Variants in MALRD1 observed in about 807,000 individuals in gnomAD.
MALRD1 encodes the protein MAM and LDL receptor class A domain containing 1.
MALRD1 carries 247 observed loss-of-function variants against 242.1 expected under a neutral mutation model. The ratio of observed to expected loss-of-function variants is 1.02; its 90% CI spans 0.92 to 1.13. The LOEUF (loss-of-function observed/expected upper bound fraction) is 1.13, where lower values mean the gene tolerates loss of function less well. Ranked by LOEUF, MALRD1 falls within the 50% of genes most tolerant of loss-of-function variation. The probability of loss-of-function intolerance (pLI) is 0.00; values close to 1 mark genes in which losing one functional copy is unlikely to be tolerated. For synonymous variants in MALRD1, 995 were observed against 866.6 expected, an observed-to-expected ratio of 1.15 and a Z score of -2.60; for missense variants, 2,989 against 2,533.1, an observed-to-expected ratio of 1.18 and a Z score of -3.86.
At chr10:19,712,542 A>G (rs568787936) in intron 38 of MALRD1, among the ~76,000 whole-genome samples, 4 of 152,328 alleles carry the variant, frequency 2.6e-5, no homozygotes, top group African/African-American at 9.6e-5. Context: ...TTAAGTTTAA[A>G]TTGTCTAAAA....
chr10:19,331,969 G>T (rs1467413017), intron 24 of MALRD1, among the ~76,000 whole-genome samples: 1 of 152,058 alleles, frequency 6.6e-6, no homozygotes, highest in Non-Finnish European at 1.5e-5. Context: ...AGGTTCAAGT[G>T]ATTGTCCTGC....
At chr10:19,670,611 T>C (rs1016574062) in intron 36 of MALRD1, among the ~76,000 whole-genome samples, 11 of 152,192 alleles carry the variant, frequency 7.2e-5, no homozygotes, top group African/African-American at 2.7e-4. Context: ...TGATAAAACT[T>C]CTTGAAAGAG....
At chr10:19,509,418 G>A (rs1444183055) in intron 31 of MALRD1, among the ~76,000 whole-genome samples, 1 of 152,124 alleles carries the variant, frequency 6.6e-6, no homozygotes, top group Non-Finnish European at 1.5e-5. Context: ...GTTTATTTCT[G>A]TACTAAGTTA....
At chr10:19,141,525 G>T (rs1564418807) in intron 10 of MALRD1, among the ~76,000 whole-genome samples, 1 of 151,810 alleles carries the variant, frequency 6.6e-6, no homozygotes, top group Non-Finnish European at 1.5e-5. Context: ...TTGTTAAAAT[G>T]TTACATTTAT....
chr10:19,622,170 GA>G (rs58917224), intron 36 of MALRD1, among the ~76,000 whole-genome samples: 8,596 of 147,864 alleles, frequency 0.058, 710 homozygotes, highest in African/African-American at 0.19. Flanking sequence ...TCACCAATAA[GA>G]AAAAAAAATT....
chr10:19,553,031 G>A (rs1297283359), intron 32 of MALRD1, among the ~76,000 whole-genome samples: 1 of 152,038 alleles, frequency 6.6e-6, no homozygotes, highest in Admixed American at 6.6e-5. Context: ...ATTATGACTT[G>A]TAGATGATAA....
intron 19 of MALRD1, among the ~76,000 whole-genome samples, chr10:19,263,439 G>GA (rs1358873935): frequency 4.0e-5 from 6 of 151,248 alleles, no homozygotes; most frequent in Admixed American, 6.6e-5. Flanking sequence ...GTCTTCTTTG[G>GA]AAAAAAATGT....
intron 29 of MALRD1, among the ~76,000 whole-genome samples, chr10:19,451,125 C>G (rs1158020325): frequency 6.6e-6 from 1 of 152,162 alleles, no homozygotes; most frequent in Non-Finnish European, 1.5e-5. Flanking sequence ...GATAATTTTT[C>G]CCTTCTGAAT....
intron 12 of MALRD1, among the ~76,000 whole-genome samples, chr10:19,164,742 G>C (rs779972275): frequency 6.6e-6 from 1 of 152,040 alleles, no homozygotes; most frequent in East Asian, 1.9e-4. Flanking sequence ...ATAACAGTAC[G>C]CAATTTCATG....
In MALRD1 at chr10:19,387,562, T is replaced by C; in HGVS notation, c.4476T>C (p.Asn1492=). The C allele has an allele frequency of 6.4e-7, 1 of 1,550,458 alleles. No homozygotes were observed. The highest frequency in any genetic ancestry group is 8.7e-7 in the Non-Finnish European group (1 of 1,146,866). The change falls in exon 27 of 40, where the codon AAT becomes AAC. Residue 1492 remains asparagine (N), a synonymous_variant. Coordinates refer to ENST00000454679, the MANE Select transcript of MALRD1 (RefSeq NM_001142308.3). ...CACTTGGCTATAGGGAATGTCATAA[T>C]GGAAAATGCTATAGGCTGGAACAAA... ...FCPLGYRECH[N]GKCYRLEQSC...
Position 19,399,531 on chromosome 10 carries a change from C to T in MALRD1, c.4845+9922C>T, listed in dbSNP as rs75134974. Reference sequence around the variant, plus strand: ...TTCTAACTGAATCACATTTCTGACTCGGATGCTGCTATAAGTTTGGCAGTC... The same window carrying T: ...TTCTAACTGAATCACATTTCTGACTTGGATGCTGCTATAAGTTTGGCAGTC... On this transcript the variant is annotated intron_variant, in intron 28 of 39. Transcript: ENST00000454679. Among the ~76,000 whole-genome samples the T allele has an allele frequency of 8.3e-4, 127 of 152,240 alleles. 2 individuals are homozygous for T. In the East Asian group the frequency reaches 0.022, roughly 27 times the overall value.
chr10:19,718,457 C>G (rs914221265), intron 38 of MALRD1, among the ~76,000 whole-genome samples: 1 of 152,160 alleles, frequency 6.6e-6, no homozygotes, highest in Non-Finnish European at 1.5e-5. Flanking sequence ...GTCCCACACA[C>G]TTTTAAACAA....
chr10:19,304,997 T>C (rs1397861827), intron 21 of MALRD1, among the ~76,000 whole-genome samples: 2 of 151,708 alleles, frequency 1.3e-5, no homozygotes, highest in African/African-American at 4.8e-5. Context: ...TCCCCAATCA[T>C]TGAAGTCATT....
intron 14 of MALRD1, among the ~76,000 whole-genome samples, chr10:19,176,798 G>A (rs1428226483): frequency 1.3e-5 from 2 of 151,646 alleles, no homozygotes; most frequent in Non-Finnish European, 2.9e-5. Flanking sequence ...GTGTGCATGT[G>A]TGCGCGTGTC....
At chr10:19,547,820 T>TATATATATATA (rs1564431955) in intron 32 of MALRD1, among the ~76,000 whole-genome samples, 9 of 15,808 alleles carry the variant, frequency 5.7e-4, no homozygotes, top group Non-Finnish European at 9.8e-4. Context: ...ATATATATAT[T>TATATATATATA]TTTTTTTTTT....
chr10:19,593,329 A>T (rs1443685920), intron 33 of MALRD1, among the ~76,000 whole-genome samples: 1 of 152,190 alleles, frequency 6.6e-6, no homozygotes, highest in Non-Finnish European at 1.5e-5. Flanking sequence ...TATATCTCAG[A>T]TACATGGCTT....
At chr10:19,587,308 C>G (rs775458001) in intron 33 of MALRD1, among the ~76,000 whole-genome samples, 3 of 152,206 alleles carry the variant, frequency 2.0e-5, no homozygotes. Flanking sequence ...GACAGTTACC[C>G]ATTTGTAACA....
chr10:19,516,649 C>T (rs1424982929), intron 31 of MALRD1, among the ~76,000 whole-genome samples: 1 of 151,658 alleles, frequency 6.6e-6, no homozygotes, highest in Non-Finnish European at 1.5e-5. Flanking sequence ...TCCTCCTCCT[C>T]TTCCTCTTCC....
intron 38 of MALRD1, among the ~76,000 whole-genome samples, chr10:19,701,001 T>G (rs1388337619): frequency 1.3e-5 from 2 of 151,852 alleles, no homozygotes; most frequent in African/African-American, 2.4e-5. Context: ...ATACAAAAAT[T>G]AGCCAGGCAT....
Sources: allele counts gnomAD v4.1 joint callset (sites outside exome capture counted in the v4.1 genomes callset), GRCh38; gene constraint gnomAD v4.1.1; transcripts MANE v1.5; gene names NCBI Gene and HGNC (gene_info 2026-07-23, HGNC 2026-07-21).